Variants in ERI3 observed in about 807,000 individuals in gnomAD.
ERI3 encodes ERI1 exoribonuclease family member 3.
In ERI3, 18 loss-of-function variants were observed where a neutral mutation model predicts 44.4. The ratio of observed to expected loss-of-function variants is 0.41; its 90% CI spans 0.28 to 0.60. The LOEUF is 0.60. ERI3 is among the 20% of genes least tolerant of loss of function. ERI3 has a pLI of 0.36. For synonymous variants in ERI3, 183 were observed against 164.8 expected, an observed-to-expected ratio of 1.11 and a Z score of -0.84; for missense variants, 294 against 435.5, an observed-to-expected ratio of 0.68 and a Z score of 2.89.
At chr1:44,260,432 C>T (rs538975938) in intron 7 of ERI3, among the ~76,000 whole-genome samples, 1 of 152,198 alleles carries the variant, frequency 6.6e-6, no homozygotes, top group South Asian at 2.1e-4. Context: ...GCCAAGCCTC[C>T]TGGGAAGGGG....
intron 8 of ERI3, among the ~76,000 whole-genome samples, chr1:44,245,819 T>C (rs1449888691): frequency 6.6e-6 from 1 of 152,168 alleles, no homozygotes; most frequent in East Asian, 1.9e-4. Context: ...ATAAAGTATA[T>C]GTGGGGTGCA....
At chr1:44,309,412 T>C (rs1263902998) in intron 5 of ERI3, among the ~76,000 whole-genome samples, 1 of 151,990 alleles carries the variant, frequency 6.6e-6, no homozygotes, top group Non-Finnish European at 1.5e-5. Flanking sequence ...GAAGAATTGC[T>C]TGGGCCTGGG....
intron 2 of ERI3, among the ~76,000 whole-genome samples, chr1:44,342,888 T>G (rs1414541151): frequency 2.7e-5 from 2 of 73,618 alleles, no homozygotes; most frequent in African/African-American, 5.0e-5. Flanking sequence ...TTTTTTTTTT[T>G]GTAGAGATAA....
intron 7 of ERI3, among the ~76,000 whole-genome samples, chr1:44,272,747 T>C (rs1645111206): frequency 2.0e-5 from 3 of 151,806 alleles, no homozygotes; most frequent in Non-Finnish European, 4.4e-5. Context: ...CGGCTGAGCA[T>C]GAGAATCACT....
intron 6 of ERI3, among the ~76,000 whole-genome samples, chr1:44,295,685 T>C (rs554246700): frequency 6.6e-6 from 1 of 152,324 alleles, no homozygotes; most frequent in African/African-American, 2.4e-5. Context: ...CTTAAATCAA[T>C]GAATGGGACA....
At chr1:44,329,304 T>C (rs540751342) in intron 3 of ERI3, among the ~76,000 whole-genome samples, 53 of 152,298 alleles carry the variant, frequency 3.5e-4, no homozygotes, top group Admixed American at 5.2e-4. Context: ...AGGCACCTAC[T>C]TGGGGACTCC....
At chr1:44,344,534 AC>A (rs774980304) in intron 2 of ERI3, among the ~76,000 whole-genome samples, 1 of 152,198 alleles carries the variant, frequency 6.6e-6, no homozygotes, top group African/African-American at 2.4e-5. Context: ...CAGGAAACAC[AC>A]CTGCTCCCTG....
chr1:44,270,785 A>G (rs536372597), intron 7 of ERI3, among the ~76,000 whole-genome samples: 2 of 152,380 alleles, frequency 1.3e-5, no homozygotes, highest in African/African-American at 4.8e-5. Context: ...AGAGAAAGAC[A>G]GAATCCCAGC....
intron 5 of ERI3, among the ~76,000 whole-genome samples, chr1:44,312,445 C>G (rs1645992880): frequency 1.3e-5 from 2 of 152,170 alleles, no homozygotes; most frequent in Admixed American, 1.3e-4. Flanking sequence ...AAGCTAAGAC[C>G]AAGCACTGCC....
chr1:44,224,318 G>A lies in ERI3; in HGVS notation c.932-2678C>T, dbSNP rs185003710. Among the ~76,000 whole-genome samples the A allele has an allele frequency of 5.3e-5, 8 of 152,234 alleles. No individual in the cohort carries two copies. In the East Asian group the frequency reaches 1.2e-3, roughly 22 times the overall value. ...ACCAGTAATATGTCTTAAAGGCTCC[G>A]CAAAAATTGATCCCTGCTATTTCTG... On this transcript the variant is annotated intron_variant, in intron 8 of 8. Coordinates refer to ENST00000372257, the MANE Select transcript of ERI3 (RefSeq NM_024066.3).
At chr1:44,246,190 C>T (rs372635939) in intron 8 of ERI3, among the ~76,000 whole-genome samples, 3 of 152,308 alleles carry the variant, frequency 2.0e-5, no homozygotes, top group African/African-American at 7.2e-5. Flanking sequence ...AAATTTGCCA[C>T]TCTAGTCATG....
At chr1:44,322,616 TAC>T in intron 3 of ERI3, 1 of 1,360,034 alleles carries the variant, frequency 7.4e-7, no homozygotes, top group South Asian at 1.6e-5. Flanking sequence ...ACAATGAGCC[TAC>T]ACACTGGCAT....
intron 7 of ERI3, among the ~76,000 whole-genome samples, chr1:44,248,700 A>AGTGT (rs1292976718): frequency 9.4e-6 from 1 of 106,412 alleles, no homozygotes; most frequent in African/African-American, 4.8e-5. Flanking sequence ...TGTGTGAGAG[A>AGTGT]GAGTGTGTGT....
chr1:44,252,531 A>G lies in ERI3; in HGVS notation c.832-4493T>C, dbSNP rs1644703185. On this transcript the variant is annotated intron_variant, in intron 7 of 8. Transcript: ENST00000372257. This position sits in a 1 kb window ranked among gnomAD's most constrained non-coding sequence, Gnocchi z 4.7. ...AGCCTGCTATTACATGCAAACACTGATCGCCCTGTGAAATTACATTGCTGG... is the reference window on the plus strand; with the variant it reads ...AGCCTGCTATTACATGCAAACACTGGTCGCCCTGTGAAATTACATTGCTGG... Among the ~76,000 whole-genome samples, 1 of 152,210 alleles carries G rather than the reference A, an allele frequency of 6.6e-6. No homozygotes were observed. Among genetic ancestry groups the G allele is most frequent in the Admixed American group, 6.5e-5 (1 of 15,288 alleles).
chr1:44,317,133 C>T (rs748554401), intron 4 of ERI3, among the ~76,000 whole-genome samples: 92 of 122,738 alleles, frequency 7.5e-4, no homozygotes, highest in Non-Finnish European at 6.7e-4. Context: ...ACATGTCATA[C>T]GCATGTGCGT....
intron 6 of ERI3, among the ~76,000 whole-genome samples, chr1:44,290,034 G>A (rs1645473415): frequency 6.6e-6 from 1 of 152,248 alleles, no homozygotes; most frequent in South Asian, 2.1e-4. Context: ...TCAGGGAGAT[G>A]CATGTCATTC....
At chr1:44,308,513 G>A in intron 5 of ERI3, 112 bp from the exon 6 acceptor site, 2 of 864,146 alleles carry the variant, frequency 2.3e-6, no homozygotes, top group Non-Finnish European at 1.9e-6. Context: ...GGAGAAAATT[G>A]TAATCTTATC....
At chr1:44,257,720 C>T (rs1644809110) in intron 7 of ERI3, among the ~76,000 whole-genome samples, 1 of 152,176 alleles carries the variant, frequency 6.6e-6, no homozygotes, top group African/African-American at 2.4e-5. Context: ...TACACCCTCC[C>T]TCTAACCCAG....
chr1:44,273,318 T>C (rs1328485211), intron 7 of ERI3, among the ~76,000 whole-genome samples: 49 of 152,222 alleles, frequency 3.2e-4, no homozygotes. Flanking sequence ...TACCTTAACC[T>C]CTAATTCCTT....
Sources: allele counts gnomAD v4.1 joint callset (sites outside exome capture counted in the v4.1 genomes callset), GRCh38; gene constraint gnomAD v4.1.1; non-coding constraint Gnocchi (gnomAD v3.1); transcripts MANE v1.5; gene names NCBI Gene and HGNC (gene_info 2026-07-23, HGNC 2026-07-21).